RGS6: variants seen among roughly 807,000 people sequenced by gnomAD.
RGS6 encodes the protein regulator of G-protein signaling 6.
Under a neutral mutation model 78.5 loss-of-function variants are expected in RGS6, and 30 were observed. The ratio of observed to expected loss-of-function variants is 0.38; its 90% confidence interval spans 0.29 to 0.52. RGS6 has a LOEUF of 0.52. RGS6 is among the 20% of genes least tolerant of loss of function. The pLI is 0.85. For missense variants in RGS6, 495 were observed against 609.7 expected (o/e 0.81, Z 1.98); for synonymous variants, 206 against 206.0 (o/e 1.00, Z 0.00).
intron 2 of RGS6, among the ~76,000 whole-genome samples, chr14:72,130,456 C>G (rs2096290262): frequency 6.6e-6 from 1 of 152,156 alleles, no homozygotes; most frequent in Non-Finnish European, 1.5e-5. Context: ...ATCCATGTGG[C>G]TGGCACCTTC....
chr14:72,390,731 T>A (rs1378855136), intron 3 of RGS6, among the ~76,000 whole-genome samples: 1 of 152,212 alleles, frequency 6.6e-6, no homozygotes, highest in Non-Finnish European at 1.5e-5. Flanking sequence ...CAGAATTTAA[T>A]GATCCTTTGT....
At chr14:71,889,370 GC>G in the RGS6 span, among the ~76,000 whole-genome samples, 71 of 152,252 alleles carry the variant, frequency 4.7e-4, no homozygotes, top group Middle Eastern at 3.4e-3. Flanking sequence ...GAGAAATGTA[GC>G]TATAAGGATC....
the RGS6 span, among the ~76,000 whole-genome samples, chr14:71,868,886 T>G: frequency 6.6e-6 from 1 of 152,294 alleles, no homozygotes; most frequent in South Asian, 2.1e-4. Flanking sequence ...CCCCAAAGTG[T>G]GGAAGTTCAT....
intron 13 of RGS6, among the ~76,000 whole-genome samples, chr14:72,509,124 G>A (rs11622509): frequency 0.093 from 14,076 of 152,064 alleles, 781 homozygotes; most frequent in South Asian, 0.16. Flanking sequence ...CAGCACTTTG[G>A]GAGGCTGAGG....
chr14:72,305,062 T>C (rs2066937418), intron 2 of RGS6, among the ~76,000 whole-genome samples: 1 of 152,148 alleles, frequency 6.6e-6, no homozygotes. Flanking sequence ...CTTGTGGTTT[T>C]AGTTTACAGT....
At chr14:72,256,629 G>C (rs2057140754) in intron 2 of RGS6, among the ~76,000 whole-genome samples, 2 of 152,098 alleles carry the variant, frequency 1.3e-5, no homozygotes, top group Non-Finnish European at 2.9e-5. Flanking sequence ...AACAAGGAGG[G>C]GGTTAGTTTT....
chr14:71,936,323 A>G (rs929557173), intron 1 of RGS6, among the ~76,000 whole-genome samples: 4 of 151,656 alleles, frequency 2.6e-5, no homozygotes, highest in Admixed American at 6.6e-5. Flanking sequence ...TCTCCTTTTC[A>G]TGTTTTTCTG....
intron 3 of RGS6, among the ~76,000 whole-genome samples, chr14:72,450,486 C>A (rs1263548458): frequency 6.6e-6 from 1 of 152,100 alleles, no homozygotes; most frequent in Admixed American, 6.6e-5. Flanking sequence ...TGGTGTATAT[C>A]CTGGATATCC....
At chr14:72,032,451 T>C (rs2153345504) in intron 2 of RGS6, among the ~76,000 whole-genome samples, 1 of 152,344 alleles carries the variant, frequency 6.6e-6, no homozygotes, top group Non-Finnish European at 1.5e-5. Context: ...ATACATTTGG[T>C]TTTTGTTATT....
At chr14:72,579,420 T>C in the RGS6 span, among the ~76,000 whole-genome samples, 5 of 152,198 alleles carry the variant, frequency 3.3e-5, no homozygotes, top group African/African-American at 9.6e-5. Context: ...AGCCAAATAA[T>C]AAAGCTTATC....
At chr14:72,052,995 C>CTTTCTTTCTTTCTTTCTT (rs1567106353) in intron 2 of RGS6, among the ~76,000 whole-genome samples, 1 of 82,084 alleles carries the variant, frequency 1.2e-5, no homozygotes, top group Non-Finnish European at 2.7e-5. Context: ...CTCTCTCTCT[C>CTTTCTTTCTTTCTTTCTT]TCTCTCTCTC....
intron 2 of RGS6, among the ~76,000 whole-genome samples, chr14:72,266,442 C>A (rs1229084410): frequency 6.6e-6 from 1 of 152,138 alleles, no homozygotes; most frequent in Non-Finnish European, 1.5e-5. Flanking sequence ...TTTTACCTAG[C>A]CCCCACCTCT....
rs969140843 is a variant in RGS6, at chr14:72,564,335, A to G, written c.*1868A>G. ...AGCAATTCTTGCTGGACACCTGCAC[A>G]TGCTCAGCACAGAGGCTGGTACTTT... On this transcript the variant is annotated 3_prime_UTR_variant, in exon 18 of 18. Transcript: ENST00000553525. 2.0e-5 allele frequency: 3 copies of G among 152,286 alleles called. No homozygotes were observed. The highest frequency in any genetic ancestry group is 7.2e-5 in the African/African-American group (3 of 41,466). 9.4% of individuals were successfully genotyped at this position (152,286 alleles called of 1,614,324 possible).
chr14:72,523,551 C>T (rs1367885327), intron 15 of RGS6, among the ~76,000 whole-genome samples: 26 of 152,160 alleles, frequency 1.7e-4, no homozygotes. Flanking sequence ...AGCCTCTCTC[C>T]AATGGGTTTT....
chr14:72,038,041 G>A (rs2091957153), intron 2 of RGS6, among the ~76,000 whole-genome samples: 1 of 151,736 alleles, frequency 6.6e-6, no homozygotes, highest in Admixed American at 6.6e-5. Flanking sequence ...TGCAATCTCA[G>A]TCACTGCAAC....
At chr14:72,397,700 T>C (rs1415406903) in intron 3 of RGS6, among the ~76,000 whole-genome samples, 1 of 152,238 alleles carries the variant, frequency 6.6e-6, no homozygotes. Flanking sequence ...CATACATAGC[T>C]CTTATTATTT....
chr14:72,048,670 C>T (rs571452326), intron 2 of RGS6, among the ~76,000 whole-genome samples: 32 of 151,962 alleles, frequency 2.1e-4, no homozygotes, highest in Admixed American at 1.3e-3. Context: ...TTTGTTACAG[C>T]GACACTTTCT....
intron 2 of RGS6, among the ~76,000 whole-genome samples, chr14:72,025,846 A>T (rs970938244): frequency 6.6e-6 from 1 of 152,172 alleles, no homozygotes; most frequent in Non-Finnish European, 1.5e-5. Context: ...CAGAGCCAAG[A>T]TCCAAAGCCC....
the RGS6 span, among the ~76,000 whole-genome samples, chr14:72,577,196 T>C: frequency 6.6e-6 from 1 of 152,230 alleles, no homozygotes; most frequent in African/African-American, 2.4e-5. Flanking sequence ...AGTGATACAA[T>C]GTTACCAATC....
Sources: allele counts gnomAD v4.1 joint callset (sites outside exome capture counted in the v4.1 genomes callset), GRCh38; gene constraint gnomAD v4.1.1; transcripts MANE v1.5; gene names NCBI Gene and HGNC (gene_info 2026-07-23, HGNC 2026-07-21).